L1TD1: variants seen among roughly 807,000 people sequenced by gnomAD.
L1TD1 encodes the protein LINE1 type transposase domain containing 1.
Under a neutral mutation model 25.7 loss-of-function variants are expected in L1TD1, and 26 were observed. The ratio of observed to expected loss-of-function variants is 1.01; its 90% CI spans 0.74 to 1.40. The LOEUF is 1.40. Among genes scored for constraint, L1TD1 ranks in the 40% most tolerant of loss-of-function variants. L1TD1 has a pLI of 0.00. For synonymous variants in L1TD1, 421 were observed against 335.6 expected (o/e 1.25, Z -2.78); for missense variants, 1,130 against 975.0 (o/e 1.16, Z -2.12).
Position 62,210,245 on chromosome 1 carries a change from A to G in L1TD1, c.1471A>G (p.Lys491Glu), listed in dbSNP as rs1218548405. ...EEEGKSSETG[K>E]VKTTSLTEKK... The stretch of plus-strand genomic sequence containing the variant: ...AGAAGGAAAGAGCTCTGAAACAGGA[A>G]AGGTAAAGACTACCTCCCTGACTGA... The change falls in exon 4 of 4, where the codon AAG becomes GAG. Residue 491 changes from lysine to glutamate, a missense_variant. By Grantham distance (56) the Lys-to-Glu change is moderately conservative. Coordinates refer to ENST00000498273, the MANE Select transcript of L1TD1 (RefSeq NM_019079.5). 3 of 1,613,976 alleles carry G rather than the reference A, an allele frequency of 1.9e-6. No individual in the cohort carries two copies. In the Admixed American group the frequency reaches 5.0e-5, roughly 27 times the overall value.
chr1:62,195,464 G>A (rs903353712), intron 1 of L1TD1, among the ~76,000 whole-genome samples: 6 of 152,250 alleles, frequency 3.9e-5, no homozygotes, highest in Admixed American at 2.0e-4. Context: ...TTAGAAAAAG[G>A]ATGGAGGGGC....
At chr1:62,205,787 A>G (rs1313849679) in intron 2 of L1TD1, among the ~76,000 whole-genome samples, 1 of 152,004 alleles carries the variant, frequency 6.6e-6, no homozygotes, top group East Asian at 1.9e-4. Context: ...TGTGGAGTGC[A>G]GGGGCACAAT....
rs1229034228 is a variant in L1TD1, at chr1:62,207,463, G to A, written c.835G>A (p.Glu279Lys). ...ENDFEPKFLC[E>K]VKLAFKCDGE... ...TGATTTTGAACCTAAATTTCTGTGT[G>A]AAGTTAAATTAGCATTTAAATGTGA... The change falls in exon 3 of 4, where the codon GAA becomes AAA. Residue 279 changes from glutamate to lysine, a missense_variant. Coordinates refer to ENST00000498273, the MANE Select transcript of L1TD1 (RefSeq NM_019079.5). The A allele has an allele frequency of 2.1e-5, 33 of 1,550,994 alleles. No individual in the cohort carries two copies. Among genetic ancestry groups the A allele is most frequent in the Non-Finnish European group, 2.8e-5 (32 of 1,146,684 alleles).
chr1:62,199,331 CTACTAAAAA>C (rs998330089), intron 2 of L1TD1, among the ~76,000 whole-genome samples: 31 of 152,158 alleles, frequency 2.0e-4, no homozygotes, highest in African/African-American at 7.2e-4. Flanking sequence ...AACCCCGTCT[CTACTAAAAA>C]TACAAAAATT....
chr1:62,195,508 C>T lies in L1TD1; in HGVS notation c.-205+587C>T, dbSNP rs546032208. Among the ~76,000 whole-genome samples the T allele has an allele frequency of 5.4e-4, 82 of 152,348 alleles. 1 individual carries two copies. The highest frequency in any genetic ancestry group is 7.9e-4 in the Non-Finnish European group (54 of 68,040). ...GTGGCTCACGCCTGTAATCCCAGCA[C>T]TTTGGGAAGCCGAGGCGGGCGGATC... On this transcript the variant is annotated intron_variant, in intron 1 of 3. Coordinates refer to ENST00000498273, the MANE Select transcript of L1TD1 (RefSeq NM_019079.5).
At chr1:62,195,198 C>A (rs1005867904) in intron 1 of L1TD1, among the ~76,000 whole-genome samples, 1 of 151,986 alleles carries the variant, frequency 6.6e-6, no homozygotes, top group Admixed American at 6.5e-5. Context: ...GCGGGGTGCC[C>A]CGGGTAAGGC....
At chr1:62,205,388 T>TC (rs1557443413) in intron 2 of L1TD1, among the ~76,000 whole-genome samples, 346 of 46,510 alleles carry the variant, frequency 7.4e-3, no homozygotes, top group African/African-American at 0.019. Context: ...TCTCTCTCTC[T>TC]TTCTCTCTCT....
rs769664703 is a variant in L1TD1, at chr1:62,210,231, G to C, written c.1457G>C (p.Ser486Thr). 17 of 1,613,938 alleles carry C rather than the reference G, an allele frequency of 1.1e-5. No homozygotes were observed. In the South Asian group the frequency reaches 1.9e-4, roughly 18 times the overall value. ...TCAGAGGAGGAAGAAGAAGGAAAGA[G>C]CTCTGAAACAGGAAAGGTAAAGACT... Reference protein sequence around the residue: ...SESEEEEEGKSSETGKVKTTS... With the variant: ...SESEEEEEGKTSETGKVKTTS... Residue 486 changes from serine (S) to threonine (T), a missense_variant, in exon 4 of 4, where the codon AGC (serine) becomes ACC (threonine). Transcript: ENST00000498273.
intron 2 of L1TD1, among the ~76,000 whole-genome samples, chr1:62,205,452 T>TTA (rs1317584007): frequency 1.6e-5 from 2 of 125,156 alleles, no homozygotes; most frequent in African/African-American, 6.2e-5. Context: ...TATTTTTTTT[T>TTA]AGACAGTCTT....
intron 3 of L1TD1, among the ~76,000 whole-genome samples, chr1:62,209,170 T>G (rs1057296341): frequency 6.6e-6 from 1 of 152,168 alleles, no homozygotes; most frequent in Admixed American, 6.6e-5. Context: ...GAGGCACTAG[T>G]AGCAAATGTG....
At chr1:62,202,574 A>AC (rs1368042584) in intron 2 of L1TD1, among the ~76,000 whole-genome samples, 15 of 128,444 alleles carry the variant, frequency 1.2e-4, no homozygotes, top group African/African-American at 4.3e-4. Context: ...CTGTTCATTT[A>AC]AAATTTTTTA....
At chr1:62,195,658 A>G (rs559519577) in intron 1 of L1TD1, among the ~76,000 whole-genome samples, 2 of 152,256 alleles carry the variant, frequency 1.3e-5, no homozygotes, top group Non-Finnish European at 2.9e-5. Context: ...AGGCTGAGGC[A>G]GGAGAATCGC....
At chr1:62,203,283 T>C (rs540309148) in intron 2 of L1TD1, among the ~76,000 whole-genome samples, 21 of 152,336 alleles carry the variant, frequency 1.4e-4, no homozygotes, top group African/African-American at 4.6e-4. Context: ...TTATACTGTT[T>C]AAGTATACAA....
chr1:62,206,664 T>A lies in L1TD1; in HGVS notation c.36T>A (p.Phe12Leu), dbSNP rs1670751060. ...TATCTACTAGTGTACAATCAAAATT[T>A]GCTAGACTTGCAAAGAAAAAGGAAA... Reference protein sequence around the residue: ...SDVSTSVQSKFARLAKKKENI... With the variant: ...SDVSTSVQSKLARLAKKKENI... The change falls in exon 3 of 4, where the codon TTT (phenylalanine) becomes TTA (leucine). Residue 12 changes from phenylalanine (F) to leucine (L), a missense_variant. Physicochemically the swap from Phe to Leu is conservative, Grantham distance 22. Coordinates refer to ENST00000498273, the MANE Select transcript of L1TD1 (RefSeq NM_019079.5). 1.3e-6 allele frequency: 2 copies of A among 1,547,018 alleles called. No homozygotes were observed. Among genetic ancestry groups the A allele is most frequent in the African/African-American group, 2.8e-5 (2 of 72,678 alleles).
chr1:62,210,242 G>A lies in L1TD1; in HGVS notation c.1468G>A (p.Gly490Arg). ...EEEEGKSSET[G>R]KVKTTSLTEK... ...AGAAGAAGGAAAGAGCTCTGAAACA[G>A]GAAAGGTAAAGACTACCTCCCTGAC... Residue 490 changes from glycine (G) to arginine (R), a missense_variant, in exon 4 of 4, where the codon GGA becomes AGA. By Grantham distance (125) the Gly-to-Arg change is moderately radical (BLOSUM62 -2). Coordinates refer to ENST00000498273, the MANE Select transcript of L1TD1 (RefSeq NM_019079.5). 2 of 1,614,030 alleles carry A rather than the reference G, an allele frequency of 1.2e-6. No individual in the cohort carries two copies. The highest frequency in any genetic ancestry group is 1.7e-6 in the Non-Finnish European group (2 of 1,180,012).
Position 62,211,568 on chromosome 1 carries a change from A to G in L1TD1, c.*196A>G, listed in dbSNP as rs375697004. 238 of 828,838 alleles carry G rather than the reference A, an allele frequency of 2.9e-4. 3 individuals carry two copies. The South Asian group carries it at 5.9e-3, about 20-fold the overall frequency. 51.3% of individuals were successfully genotyped at this position (828,838 alleles called of 1,614,324 possible). ...GTTTAAAAAAAATAGGCTGGTCTCAATGTAGTGAGTTATTTCAGTTGATCA... is the reference window on the plus strand; with the variant it reads ...GTTTAAAAAAAATAGGCTGGTCTCAGTGTAGTGAGTTATTTCAGTTGATCA... On this transcript the variant is annotated 3_prime_UTR_variant, in exon 4 of 4. Transcript: ENST00000498273.
chr1:62,200,805 T>C (rs1440348750), intron 2 of L1TD1, among the ~76,000 whole-genome samples: 1 of 152,182 alleles, frequency 6.6e-6, no homozygotes, highest in Non-Finnish European at 1.5e-5. Flanking sequence ...AGTGGTCTCA[T>C]TGTTTTTTTA....
chr1:62,209,938 T>G lies in L1TD1; in HGVS notation c.1164T>G (p.Asp388Glu), dbSNP rs535166958. Reference sequence around the variant, plus strand: ...AGTTTTCCGAGCTAGAGGAGCTGGATGAAGAGGCCTCAGGGATGGAGGATG... The same window carrying G: ...AGTTTTCCGAGCTAGAGGAGCTGGAGGAAGAGGCCTCAGGGATGGAGGATG... ...EEEFSELEELDEEASGMEDDE... is the reference protein window; with the variant it reads ...EEEFSELEELEEEASGMEDDE... Residue 388 changes from aspartate to glutamate, a missense_variant, in exon 4 of 4, where the codon GAT (aspartate) becomes GAG (glutamate). Transcript: ENST00000498273. 1 of 1,613,128 alleles carries G rather than the reference T, an allele frequency of 6.2e-7. No homozygotes were observed. The highest frequency in any genetic ancestry group is 8.5e-7 in the Non-Finnish European group (1 of 1,179,782).
chr1:62,211,555 T>C lies in L1TD1; in HGVS notation c.*183T>C, dbSNP rs1199056856. ...TAATAAAGGGTATGTTTAAAAAAAATAGGCTGGTCTCAATGTAGTGAGTTA... is the reference window on the plus strand; with the variant it reads ...TAATAAAGGGTATGTTTAAAAAAAACAGGCTGGTCTCAATGTAGTGAGTTA... On this transcript the variant is annotated 3_prime_UTR_variant, in exon 4 of 4. Coordinates refer to ENST00000498273, the MANE Select transcript of L1TD1 (RefSeq NM_019079.5). The C allele has an allele frequency of 2.0e-5, 20 of 988,254 alleles. No homozygotes were observed. The highest frequency in any genetic ancestry group is 3.3e-5 in the Admixed American group (1 of 30,382). The allele number at this position is 988,254 out of a possible 1,614,324, so 61.2% of individuals were successfully genotyped here.
Sources: gnomAD v4.1 joint callset for allele counts (sites outside exome capture counted in the v4.1 genomes callset) on GRCh38, gnomAD v4.1.1 for gene constraint, MANE v1.5 for transcripts, NCBI Gene and HGNC (gene_info 2026-07-23, HGNC 2026-07-21) for gene names.